A4GNT: variants seen among roughly 807,000 people sequenced by gnomAD.
The protein encoded by A4GNT is alpha-1,4-N-acetylglucosaminyltransferase.
In A4GNT, 6 loss-of-function variants were observed where a neutral mutation model predicts 8.3. The ratio of observed to expected loss-of-function variants is 0.72; its 90% CI spans 0.39 to 1.42. The LOEUF (loss-of-function observed/expected upper bound fraction) is 1.42, where lower values mean the gene tolerates loss of function less well. Among genes scored for constraint, A4GNT ranks in the 40% most tolerant of loss-of-function variants. The probability of loss-of-function intolerance (pLI) is 0.02; values close to 1 mark genes in which losing one functional copy is unlikely to be tolerated. For synonymous variants in A4GNT, 157 were observed against 159.8 expected (o/e 0.98, Z 0.13); for missense variants, 377 against 417.0 (o/e 0.90, Z 0.84).
In A4GNT at chr3:138,132,220, C is replaced by T. The variant is rs959909510; in HGVS notation, c.-35G>A. 2 of 152,248 alleles carry T rather than the reference C, an allele frequency of 1.3e-5. No homozygotes were observed. The highest frequency in any genetic ancestry group is 4.8e-5 in the African/African-American group (2 of 41,466). 9.4% of individuals were successfully genotyped at this position (152,248 alleles called of 1,614,324 possible). The stretch of plus-strand genomic sequence containing the variant: ...AGGCTCTGAACCGTTACCTGCAGTG[C>T]TTTCCTCACCAAAAATGTTAGCTCT... On this transcript the variant is annotated 5_prime_UTR_variant, in exon 1 of 3. Transcript: ENST00000236709.
In A4GNT at chr3:138,124,743, A is replaced by G. The variant is rs1469762369; in HGVS notation, c.544T>C (p.Leu182=). 12 of 1,614,202 alleles carry G rather than the reference A, an allele frequency of 7.4e-6. No individual in the cohort carries two copies. Among genetic ancestry groups the G allele is most frequent in the African/African-American group, 1.3e-5 (1 of 75,058 alleles). Residue 182 remains leucine, a synonymous_variant, in exon 3 of 3, where the codon TTG becomes CTG. Coordinates refer to ENST00000236709, the MANE Select transcript of A4GNT (RefSeq NM_016161.3). ...GAGTACCGAGAAGCCTGCGCAGCCA[A>G]AAAGTTCTCCTCAGGGATGGGCCTG... is the stretch of plus-strand genomic sequence containing the variant. The part of the protein sequence containing the change: ...SIRPIPEENF[L]AAQASRYSSN...
intron 2 of A4GNT, among the ~76,000 whole-genome samples, chr3:138,129,098 C>A (rs147645623): frequency 2.0e-3 from 305 of 152,198 alleles, no homozygotes; most frequent in African/African-American, 6.9e-3. Context: ...CTCCAGCTGA[C>A]AGCAACTAGG....
Position 138,124,681 on chromosome 3 carries a change from G to A in A4GNT, c.606C>T (p.Pro202=), listed in dbSNP as rs761593650. 6.2e-7 allele frequency: 1 copy of A among 1,614,218 alleles called. No homozygotes were observed. The highest frequency in any genetic ancestry group is 8.5e-7 in the Non-Finnish European group (1 of 1,180,044). ...AGTTTTCCATGCATTCCCACAAAAA[G>A]GGGTGGTGGGGGAGGAACCCAAATA... ...NGIFGFLPHH[P]FLWECMENFV... Residue 202 remains proline, a synonymous_variant, in exon 3 of 3, where the codon CCC becomes CCT. Transcript: ENST00000236709.
chr3:138,132,497 C>T (rs1166634682), upstream of A4GNT: 2 of 152,122 alleles, frequency 1.3e-5, no homozygotes, highest in Non-Finnish European at 2.9e-5. Flanking sequence ...CAAAAAGTTC[C>T]CAGGAAGCTC....
intron 2 of A4GNT, among the ~76,000 whole-genome samples, chr3:138,127,565 C>T (rs1363836252): frequency 2.7e-5 from 4 of 150,566 alleles, no homozygotes; most frequent in African/African-American, 9.8e-5. Context: ...CAGAGCAAGA[C>T]TCCGTCTCAA....
At chr3:138,127,531 G>A (rs921591888) in intron 2 of A4GNT, among the ~76,000 whole-genome samples, 13 of 149,874 alleles carry the variant, frequency 8.7e-5, no homozygotes, top group East Asian at 3.9e-4. Flanking sequence ...CCGAGATCAC[G>A]CCACTGCACT....
chr3:138,131,040 A>T lies in A4GNT; in HGVS notation c.217T>A (p.Ser73Thr). Residue 73 changes from serine to threonine, a missense_variant, in exon 2 of 3, where the codon TCT (serine) becomes ACT (threonine). Physicochemically the swap from Ser to Thr is moderately conservative, Grantham distance 58 (BLOSUM62 1). Transcript: ENST00000236709. ...PPHLVSCSVE[S>T]AAKIYPEWPV... ...CACTCAGGATAAATCTTGGCAGCAGACTCTACGGAACAGGAGACCAAATGG... is the reference window on the plus strand; with the variant it reads ...CACTCAGGATAAATCTTGGCAGCAGTCTCTACGGAACAGGAGACCAAATGG... 6.2e-7 allele frequency: 1 copy of T among 1,613,994 alleles called. No individual in the cohort carries two copies. The highest frequency in any genetic ancestry group is 8.5e-7 in the Non-Finnish European group (1 of 1,179,988).
intron 2 of A4GNT, 129 bp downstream of exon 2, chr3:138,130,720 T>C: frequency 1.1e-6 from 1 of 923,338 alleles, no homozygotes; most frequent in Non-Finnish European, 1.6e-6. Flanking sequence ...GTTCTCAACA[T>C]GGTAAAAAGA....
intron 2 of A4GNT, among the ~76,000 whole-genome samples, chr3:138,127,407 C>T (rs1364134562): frequency 6.6e-6 from 1 of 151,616 alleles, no homozygotes; most frequent in African/African-American, 2.4e-5. Flanking sequence ...AACCCCATCT[C>T]TACTAAAAAT....
upstream of A4GNT, chr3:138,132,428 C>T (rs2042783635): frequency 6.6e-6 from 1 of 152,202 alleles, no homozygotes; most frequent in Non-Finnish European, 1.5e-5. Flanking sequence ...AATCACCACC[C>T]AATCTTCCAA....
rs2107882984 is a variant in A4GNT at position 138,124,181 on chromosome 3, G to A, written c.*83C>T. ...GGCAACCCTCTGCCCACCCCGCCAA[G>A]AGACAGTGGAGATCAAGTGAAAATG... On this transcript the variant is annotated 3_prime_UTR_variant, in exon 3 of 3. Coordinates refer to ENST00000236709, the MANE Select transcript of A4GNT (RefSeq NM_016161.3). The A allele has an allele frequency of 6.6e-7, 1 of 1,522,690 alleles. No homozygotes were observed. The highest frequency in any genetic ancestry group is 8.8e-7 in the Non-Finnish European group (1 of 1,131,654). The allele number at this position is 1,522,690 out of a possible 1,614,324, so 94.3% of individuals were successfully genotyped here. A position where few individuals can be genotyped will look rare whatever the true frequency, so the allele number is the denominator to read the frequency against.
intron 1 of A4GNT, 140 bp from the exon 2 acceptor site, chr3:138,131,422 A>G (rs976653322): frequency 2.3e-5 from 18 of 770,496 alleles, no homozygotes; most frequent in Non-Finnish European, 2.8e-5. Context: ...CAAGTCCAGC[A>G]ATATTAAAAA....
intron 2 of A4GNT, among the ~76,000 whole-genome samples, chr3:138,126,137 A>G (rs1386154434): frequency 6.6e-6 from 1 of 151,296 alleles, no homozygotes; most frequent in Non-Finnish European, 1.5e-5. Flanking sequence ...TAATCCAGAC[A>G]TGAGATGATG....
At chr3:138,125,927 T>C (rs1301802898) in intron 2 of A4GNT, among the ~76,000 whole-genome samples, 1 of 151,884 alleles carries the variant, frequency 6.6e-6, no homozygotes, top group Admixed American at 6.6e-5. Flanking sequence ...GAGATCAGAA[T>C]TGGAGAGGGG....
chr3:138,131,400 A>T, intron 1 of A4GNT, 118 bp from the exon 2 acceptor site: 1 of 881,156 alleles, frequency 1.1e-6, no homozygotes, highest in African/African-American at 1.7e-5. Context: ...CCTAAATAAA[A>T]TATGATGAAA....
chr3:138,124,041 TG>T lies in A4GNT; in HGVS notation c.*222del, dbSNP rs2042729537. Reference sequence around the variant, plus strand: ...CATCCTACTGCCTGAAATGCAAACATGGTGGGTTGGAGGTCAAGCAGTCAAA... The same window carrying T: ...CATCCTACTGCCTGAAATGCAAACATGTGGGTTGGAGGTCAAGCAGTCAAA... On this transcript the variant is annotated 3_prime_UTR_variant, in exon 3 of 3. Transcript: ENST00000236709. 2 of 540,064 alleles carry T rather than the reference TG, an allele frequency of 3.7e-6. No homozygotes were observed. Among genetic ancestry groups the T allele is most frequent in the Non-Finnish European group, 6.3e-6 (2 of 317,346 alleles). 33.5% of individuals were successfully genotyped at this position (540,064 alleles called of 1,614,324 possible).
chr3:138,124,171 A>AC lies in A4GNT; in HGVS notation c.*92dup, dbSNP rs202055134. On this transcript the variant is annotated 3_prime_UTR_variant, in exon 3 of 3. Coordinates refer to ENST00000236709, the MANE Select transcript of A4GNT (RefSeq NM_016161.3). ...ACATTTGAGAGGCAACCCTCTGCCC[A>AC]CCCCGCCAAGAGACAGTGGAGATCA... The AC allele has an allele frequency of 4.6e-4, 687 of 1,483,126 alleles. 5 individuals are homozygous for AC. The South Asian group carries it at 8.4e-3, about 18-fold the overall frequency. 91.9% of individuals were successfully genotyped at this position (1,483,126 alleles called of 1,614,324 possible). A position where few individuals can be genotyped will look rare whatever the true frequency, so the allele number is the denominator to read the frequency against.
At chr3:138,126,003 A>T (rs913682144) in intron 2 of A4GNT, among the ~76,000 whole-genome samples, 1 of 152,140 alleles carries the variant, frequency 6.6e-6, no homozygotes, top group South Asian at 2.1e-4. Flanking sequence ...GTTTAGAAGA[A>T]AGGAGGGAAG....
At chr3:138,129,683 C>T (rs975255228) in intron 2 of A4GNT, among the ~76,000 whole-genome samples, 10 of 152,056 alleles carry the variant, frequency 6.6e-5, no homozygotes, top group African/African-American at 2.2e-4. Flanking sequence ...CCCACAAGGC[C>T]GAAAATATTT....
Sources: gnomAD v4.1 joint callset for allele counts (sites outside exome capture counted in the v4.1 genomes callset) on GRCh38, gnomAD v4.1.1 for gene constraint, MANE v1.5 for transcripts, NCBI Gene and HGNC (gene_info 2026-07-23, HGNC 2026-07-21) for gene names.